Variants in UNC5A observed in about 807,000 individuals in gnomAD.
UNC5A encodes netrin receptor UNC5A.
In UNC5A, 20 loss-of-function variants were observed where a neutral mutation model predicts 87.4. That is an observed-to-expected ratio of 0.23 (90% CI 0.16 to 0.33). The LOEUF is 0.33. Ranked by LOEUF, UNC5A falls within the 10% of genes least tolerant of loss-of-function variation. The probability of loss-of-function intolerance (pLI) is 1.00; values close to 1 mark genes in which losing one functional copy is unlikely to be tolerated. For synonymous variants in UNC5A, 438 were observed against 482.3 expected, an observed-to-expected ratio of 0.91 and a Z score of 1.20; for missense variants, 844 against 1,133.4, an observed-to-expected ratio of 0.74 and a Z score of 3.67.
At chr5:176,852,861 T>C (rs1481523492) in intron 1 of UNC5A, among the ~76,000 whole-genome samples, 4 of 152,258 alleles carry the variant, frequency 2.6e-5, no homozygotes, top group East Asian at 3.8e-4. Context: ...CTAGGCCCTG[T>C]GCCTGGTGCT....
chr5:176,879,985 G>T lies in UNC5A; in HGVS notation c.*99G>T, dbSNP rs1581284817. 2.1e-6 allele frequency: 3 copies of T among 1,424,034 alleles called. No individual in the cohort carries two copies. Among genetic ancestry groups the T allele is most frequent in the East Asian group, 5.0e-5 (2 of 39,920 alleles). 88.2% of individuals were successfully genotyped at this position (1,424,034 alleles called of 1,614,324 possible). A position where few individuals can be genotyped will look rare whatever the true frequency, so the allele number is the denominator to read the frequency against. On this transcript the variant is annotated 3_prime_UTR_variant, in exon 15 of 15. Transcript: ENST00000329542. ...GCCCTTCCCCACACCGGGGAGAGCT[G>T]CTCGGACAGGCCCCCTCCCGGCCGA...
At chr5:176,845,975 G>T (rs560734449) in intron 1 of UNC5A, among the ~76,000 whole-genome samples, 5 of 152,368 alleles carry the variant, frequency 3.3e-5, no homozygotes, top group African/African-American at 9.6e-5. Context: ...AAGGGACAGT[G>T]GCCTGTGGCA....
chr5:176,833,550 A>G (rs758774253), intron 1 of UNC5A, among the ~76,000 whole-genome samples: 3 of 152,246 alleles, frequency 2.0e-5, no homozygotes, highest in Admixed American at 6.5e-5. Context: ...CCAGCCCACA[A>G]TCTTTAGGCC....
rs1758240969 is a variant in UNC5A, at chr5:176,875,490, C to CAA, written c.1378+924_1378+925insAA. On this transcript the variant is annotated intron_variant, in intron 8 of 14. Transcript: ENST00000329542. The surrounding 1 kb of genome is among the most constrained non-coding windows in gnomAD (Gnocchi z 5.2). ...TTGCCCCCCGCCAGCTTCAGTCCCA[C>CAA]GCCAGTCCCTCCTCAATAGCTCCTG... 6.6e-6 allele frequency among the ~76,000 whole-genome samples: 1 copy of CAA among 152,158 alleles called. No individual in the cohort carries two copies. Among genetic ancestry groups the CAA allele is most frequent in the Non-Finnish European group, 1.5e-5 (1 of 68,026 alleles).
intron 1 of UNC5A, among the ~76,000 whole-genome samples, chr5:176,857,214 C>A (rs1028154055): frequency 1.3e-5 from 2 of 152,244 alleles, no homozygotes; most frequent in African/African-American, 4.8e-5. Context: ...TTTGTTTCCC[C>A]AACTTGAAAG....
intron 1 of UNC5A, among the ~76,000 whole-genome samples, chr5:176,843,673 A>G (rs908155992): frequency 6.6e-6 from 1 of 152,254 alleles, no homozygotes; most frequent in Admixed American, 6.5e-5. Flanking sequence ...TGTGACCATT[A>G]TTATTATCCA....
chr5:176,873,330 T>TC (rs1758178667), intron 6 of UNC5A, among the ~76,000 whole-genome samples: 1 of 152,156 alleles, frequency 6.6e-6, no homozygotes, highest in South Asian at 2.1e-4. Context: ...TTTTTTTTTT[T>TC]CCTCTAGAAC....
At position 176,848,169 on chromosome 5, in the gene UNC5A, G is replaced by A. The variant is rs923688863; in HGVS notation, c.71-14455G>A. Among the ~76,000 whole-genome samples the A allele has an allele frequency of 8.6e-5, 13 of 151,850 alleles. No homozygotes were observed. Among genetic ancestry groups the A allele is most frequent in the Non-Finnish European group, 1.9e-4 (13 of 67,936 alleles). Reference sequence around the variant, plus strand: ...GCACCCCTCCCCGCCTCATTTCCACGTTAGCACCACCGCCCCCCGCACCCA... The same window carrying A: ...GCACCCCTCCCCGCCTCATTTCCACATTAGCACCACCGCCCCCCGCACCCA... On this transcript the variant is annotated intron_variant, in intron 1 of 14. Coordinates refer to ENST00000329542, the MANE Select transcript of UNC5A (RefSeq NM_133369.3). This position sits in a 1 kb window ranked among gnomAD's most constrained non-coding sequence, Gnocchi z 5.8.
At position 176,877,657 on chromosome 5, in the gene UNC5A, G is replaced by A; in HGVS notation, c.1589G>A (p.Ser530Asn). The A allele has an allele frequency of 6.2e-7, 1 of 1,611,100 alleles. No individual in the cohort carries two copies. The highest frequency in any genetic ancestry group is 8.5e-7 in the Non-Finnish European group (1 of 1,178,578). ...MDHCGEPSPD[S>N]WSLRLKKQSC... ...CACTGTGGGGAGCCCAGCCCTGACAGCTGGAGCCTGCGCCTCAAAAAGCAG... is the reference window on the plus strand; with the variant it reads ...CACTGTGGGGAGCCCAGCCCTGACAACTGGAGCCTGCGCCTCAAAAAGCAG... The change falls in exon 10 of 15, where the codon AGC (serine) becomes AAC (asparagine). Residue 530 changes from serine (S) to asparagine (N), a missense_variant. This residue lies in a region of UNC5A where 353 missense variants were observed against 387.5 expected (regional missense o/e 0.91). Coordinates refer to ENST00000329542, the MANE Select transcript of UNC5A (RefSeq NM_133369.3).
intron 10 of UNC5A, 53 bp downstream of exon 10, chr5:176,877,756 C>T: frequency 6.5e-7 from 1 of 1,537,650 alleles, no homozygotes. Flanking sequence ...TAACTGCACG[C>T]TCCACCCGGC....
At chr5:176,842,492 GATAT>G (rs35268512) in intron 1 of UNC5A, among the ~76,000 whole-genome samples, 2 of 145,640 alleles carry the variant, frequency 1.4e-5, no homozygotes, top group African/African-American at 2.6e-5. Context: ...GAGAAACTGT[GATAT>G]ATATATATAT....
rs937585974 is a variant in UNC5A at position 176,841,065 on chromosome 5, G to T, written c.71-21559G>T. Among the ~76,000 whole-genome samples the T allele has an allele frequency of 6.6e-6, 1 of 152,238 alleles. No homozygotes were observed. The highest frequency in any genetic ancestry group is 2.4e-5 in the African/African-American group (1 of 41,450). The stretch of plus-strand genomic sequence containing the variant: ...CGCTGAATGGAGGCAGCGTGACTTG[G>T]TCATGCATTGAAAGCTGTGGCAGGC... On this transcript the variant is annotated intron_variant, in intron 1 of 14. Coordinates refer to ENST00000329542, the MANE Select transcript of UNC5A (RefSeq NM_133369.3). This position sits in a 1 kb window ranked among gnomAD's most constrained non-coding sequence, Gnocchi z 4.1.
Position 176,878,086 on chromosome 5 carries a change from A to G in UNC5A, c.1828A>G (p.Ile610Val), listed in dbSNP as rs551577528. The change falls in exon 11 of 15, where the codon ATC becomes GTC. Residue 610 changes from isoleucine (I) to valine (V), a missense_variant. Around this residue, in one of 3 missense-constraint regions of UNC5A, gnomAD observed 353 missense variants for 387.5 expected, o/e 0.91. Transcript: ENST00000329542. ...GGCCTGCACCTCCCTCGAGTACAAC[A>G]TCCGGGTCTACTGCCTGCATGACAC... The part of the protein sequence containing the change: ...PVACTSLEYN[I>V]RVYCLHDTHD... 6.2e-7 allele frequency: 1 copy of G among 1,609,694 alleles called. No homozygotes were observed. The highest frequency in any genetic ancestry group is 1.6e-4 in the Middle Eastern group (1 of 6,062).
Position 176,810,707 on chromosome 5 carries a change from C to T in UNC5A, c.-44C>T. On this transcript the variant is annotated 5_prime_UTR_variant, in exon 1 of 15. Coordinates refer to ENST00000329542, the MANE Select transcript of UNC5A (RefSeq NM_133369.3). The surrounding 1 kb of genome is among the most constrained non-coding windows in gnomAD (Gnocchi z 7.3). ...GAGGCGCTAAAGCCGCCCTCCCGCC[C>T]GCGGGGCCCCGCGCCCGGCCCGCCC... 1 of 873,750 alleles carries T rather than the reference C, an allele frequency of 1.1e-6. No individual in the cohort carries two copies. The highest frequency in any genetic ancestry group is 1.4e-6 in the Non-Finnish European group (1 of 717,656). The allele number at this position is 873,750 out of a possible 1,614,324, so 54.1% of individuals were successfully genotyped here. A position where few individuals can be genotyped will look rare whatever the true frequency, so the allele number is the denominator to read the frequency against.
rs1757353170 is a variant in UNC5A, at chr5:176,844,416, CCAGGGGAAGTTTA to C, written c.71-18207_71-18195del. Among the ~76,000 whole-genome samples, 1 of 152,034 alleles carries C rather than the reference CCAGGGGAAGTTTA, an allele frequency of 6.6e-6. No individual in the cohort carries two copies. Among genetic ancestry groups the C allele is most frequent in the African/African-American group, 2.4e-5 (1 of 41,416 alleles). On this transcript the variant is annotated intron_variant, in intron 1 of 14. Transcript: ENST00000329542. The surrounding 1 kb of genome is among the most constrained non-coding windows in gnomAD (Gnocchi z 4.2). Reference sequence around the variant, plus strand: ...CTTCCCTGTGCCAGGGAAGGAGAGGCCAGGGGAAGTTTATGTCCACCCACGGTGTCCCAGCTGA... The same window carrying C: ...CTTCCCTGTGCCAGGGAAGGAGAGGCTGTCCACCCACGGTGTCCCAGCTGA...
chr5:176,811,820 A>G (rs1756463228), intron 1 of UNC5A, among the ~76,000 whole-genome samples: 1 of 151,668 alleles, frequency 6.6e-6, no homozygotes, highest in South Asian at 2.1e-4. Flanking sequence ...TGCCCCTAGA[A>G]CCTGGGCGGT....
At position 176,879,965 on chromosome 5, in the gene UNC5A, TC is replaced by T. The variant is rs1224943069; in HGVS notation, c.*83del. On this transcript the variant is annotated 3_prime_UTR_variant, in exon 15 of 15. Coordinates refer to ENST00000329542, the MANE Select transcript of UNC5A (RefSeq NM_133369.3). ...CAGGCAGAAGCCGGACAGGGGCCCT[TC>T]CCCACACCGGGGAGAGCTGCTCGGA... 1 of 1,501,806 alleles carries T rather than the reference TC, an allele frequency of 6.7e-7. No homozygotes were observed. Among genetic ancestry groups the T allele is most frequent in the African/African-American group, 1.4e-5 (1 of 72,218 alleles). 93.0% of individuals were successfully genotyped at this position (1,501,806 alleles called of 1,614,324 possible).
Position 176,847,134 on chromosome 5 carries a change from G to C in UNC5A, c.71-15490G>C, listed in dbSNP as rs1757427889. Among the ~76,000 whole-genome samples the C allele has an allele frequency of 2.0e-5, 3 of 152,170 alleles. No homozygotes were observed. In the South Asian group the frequency reaches 6.2e-4, roughly 31 times the overall value. ...GCAGATGAAGGTCTGCCTCACCCCC[G>C]TTCGTTGAAGTCGGGCGCCGGCTGA... On this transcript the variant is annotated intron_variant, in intron 1 of 14. Coordinates refer to ENST00000329542, the MANE Select transcript of UNC5A (RefSeq NM_133369.3).
At chr5:176,847,647 C>T (rs1295783764) in intron 1 of UNC5A, among the ~76,000 whole-genome samples, 1 of 152,108 alleles carries the variant, frequency 6.6e-6, no homozygotes, top group Non-Finnish European at 1.5e-5. Context: ...CAGACCGATC[C>T]CAACTTTTAC....
Sources: allele counts gnomAD v4.1 joint callset (sites outside exome capture counted in the v4.1 genomes callset), GRCh38; gene constraint gnomAD v4.1.1; regional missense constraint gnomAD v4.1.1; non-coding constraint Gnocchi (gnomAD v3.1); transcripts MANE v1.5; gene names NCBI Gene and HGNC (gene_info 2026-07-23, HGNC 2026-07-21).